Variants in DISP3 observed in about 807,000 individuals in gnomAD.
The protein encoded by DISP3 is protein dispatched homolog 3.
DISP3 carries 101 observed loss-of-function variants against 135.3 expected under a neutral mutation model. The ratio of observed to expected loss-of-function variants is 0.75; its 90% CI spans 0.64 to 0.88. DISP3 has a LOEUF of 0.88. DISP3 is among the 40% of genes least tolerant of loss of function. The pLI, the probability that DISP3 is intolerant of heterozygous loss-of-function variation, is 0.00. For synonymous variants in DISP3, 856 were observed against 817.0 expected (o/e 1.05, Z -0.81); for missense variants, 1,713 against 1,878.6 (o/e 0.91, Z 1.63).
At chr1:11,534,947 C>A in intron 18 of DISP3, 64 bp from the exon 19 acceptor site, 1 of 1,405,674 alleles carries the variant, frequency 7.1e-7, no homozygotes, top group African/African-American at 1.4e-5. Context: ...GGGCTCACCC[C>A]AGCAGCACAG....
chr1:11,510,059 A>G (rs780071065), intron 3 of DISP3, among the ~76,000 whole-genome samples: 7 of 152,172 alleles, frequency 4.6e-5, no homozygotes, highest in Admixed American at 2.0e-4. Flanking sequence ...AGATCGTGCC[A>G]CTGCACTCCA....
chr1:11,534,811 C>G (rs1642664251), intron 18 of DISP3, 200 bp from the exon 19 acceptor site: 2 of 762,064 alleles, frequency 2.6e-6, no homozygotes, highest in Non-Finnish European at 2.3e-6. Context: ...CCAGCCCCTC[C>G]TAGGTGCCTA....
chr1:11,526,906 C>T, intron 13 of DISP3, 71 bp downstream of exon 13: 1 of 1,502,806 alleles, frequency 6.7e-7, no homozygotes, highest in South Asian at 1.2e-5. Flanking sequence ...TCTCTTTTCT[C>T]TCTCTTTTCA....
chr1:11,517,366 T>C, intron 6 of DISP3, 97 bp from the exon 7 acceptor site: 2 of 1,510,786 alleles, frequency 1.3e-6, no homozygotes, highest in Admixed American at 1.7e-5. Flanking sequence ...CTGGGCCAGA[T>C]CTGGGGTCCT....
intron 19 of DISP3, 139 bp downstream of exon 19, chr1:11,535,263 T>C: frequency 9.7e-7 from 1 of 1,027,658 alleles, no homozygotes; most frequent in Non-Finnish European, 1.4e-6. Flanking sequence ...CTGTCTCTCC[T>C]GCATGTCTGT....
chr1:11,525,146 ACCCCTCTTTCATCCCT>A lies in DISP3; in HGVS notation c.2477-29_2477-14del, dbSNP rs764317237. 1 of 1,610,536 alleles carries A rather than the reference ACCCCTCTTTCATCCCT, an allele frequency of 6.2e-7. No individual in the cohort carries two copies. Among genetic ancestry groups the A allele is most frequent in the South Asian group, 1.1e-5 (1 of 91,010 alleles). On this transcript the variant is annotated splice_polypyrimidine_tract_variant and intron_variant, in intron 11 of 20. Transcript: ENST00000294484. ...GGAGAAGCCAGTCGAGGTCAAGTCCACCCCTCTTTCATCCCTTATTTGTCCGTAGATTTCCCAGGCA... is the reference window on the plus strand; with the variant it reads ...GGAGAAGCCAGTCGAGGTCAAGTCCATATTTGTCCGTAGATTTCCCAGGCA...
rs549107423 is a variant in DISP3 at position 11,531,608 on chromosome 1, C to T, written c.3273C>T (p.Cys1091=). 4.6e-5 allele frequency: 75 copies of T among 1,613,578 alleles called. No individual in the cohort carries two copies. In the East Asian group the frequency reaches 1.7e-3, roughly 36 times the overall value. ...TCCTGCAGATGTTGCACCCTGAGTGCAAGGAGCTGCCCGAGCCCAACCTGC... is the reference window on the plus strand; with the variant it reads ...TCCTGCAGATGTTGCACCCTGAGTGTAAGGAGCTGCCCGAGCCCAACCTGC... ...SSFLQMLHPE[C]KELPEPNLLP... is the part of the protein sequence containing the mutation. The change falls in exon 17 of 21, where the codon TGC becomes TGT. Residue 1091 remains cysteine, a synonymous_variant. Transcript: ENST00000294484. This position sits in a 1 kb window ranked among gnomAD's most constrained non-coding sequence, Gnocchi z 5.2.
chr1:11,485,626 T>G (rs1280414505), intron 1 of DISP3, among the ~76,000 whole-genome samples: 1 of 152,126 alleles, frequency 6.6e-6, no homozygotes, highest in Admixed American at 6.5e-5. Context: ...TCCTGGGAGA[T>G]CTCTCTGTTC....
intron 10 of DISP3, among the ~76,000 whole-genome samples, chr1:11,522,792 G>GGGCCC (rs1642267966): frequency 7.1e-6 from 1 of 141,090 alleles, no homozygotes; most frequent in Non-Finnish European, 1.6e-5. Context: ...GGCCCAGCCA[G>GGGCCC]AGCCCAGCCA....
intron 4 of DISP3, among the ~76,000 whole-genome samples, chr1:11,514,937 C>T (rs367708187): frequency 3.9e-4 from 59 of 152,192 alleles, no homozygotes; most frequent in African/African-American, 1.3e-3. Flanking sequence ...CTGCTGCTTA[C>T]TCCTGTCTGT....
intron 1 of DISP3, among the ~76,000 whole-genome samples, chr1:11,489,205 G>A (rs950303054): frequency 6.6e-6 from 1 of 152,198 alleles, no homozygotes; most frequent in Admixed American, 6.5e-5. Flanking sequence ...GCTCCATCCC[G>A]AGTGCCTCAT....
At chr1:11,514,554 C>T in intron 4 of DISP3, 28 bp downstream of exon 4, 2 of 1,606,696 alleles carry the variant, frequency 1.2e-6, no homozygotes, top group Non-Finnish European at 1.7e-6. Flanking sequence ...CCAGCCCCCT[C>T]CTCCCCTCCC....
rs1208140043 is a variant in DISP3 at position 11,519,026 on chromosome 1, C to T, written c.1890-329C>T. ...CCTGAGTATTAAGTTGGAGGCAGAG[C>T]CCCTGGGCCACACAGCAGCAGAGGA... is the stretch of plus-strand genomic sequence containing the variant. On this transcript the variant is annotated intron_variant, in intron 7 of 20. Transcript: ENST00000294484. The surrounding 1 kb of genome is among the most constrained non-coding windows in gnomAD (Gnocchi z 4.3). Among the ~76,000 whole-genome samples, 5 of 152,262 alleles carry T rather than the reference C, an allele frequency of 3.3e-5. No individual in the cohort carries two copies. The highest frequency in any genetic ancestry group is 1.2e-4 in the African/African-American group (5 of 41,550).
rs59755389 is a variant in DISP3, at chr1:11,492,121, C to CAAA, written c.-3-8848_-3-8846dup. ...TGGGCGACAGAGCGAGACTCCGTCT[C>CAAA]AAAAAAAAAAAAAAAAAAAAAAAGA... On this transcript the variant is annotated intron_variant, in intron 1 of 20. Transcript: ENST00000294484. 4.3e-3 allele frequency among the ~76,000 whole-genome samples: 266 copies of CAAA among 61,388 alleles called. 5 individuals carry two copies. Among genetic ancestry groups the CAAA allele is most frequent in the East Asian group, 0.012 (26 of 2,122 alleles). 40.3% of individuals were successfully genotyped at this position (61,388 alleles called of 152,430 possible).
In DISP3 at chr1:11,491,239, C is replaced by T. The variant is rs1557592829; in HGVS notation, c.-3-9751C>T. On this transcript the variant is annotated intron_variant, in intron 1 of 20. Transcript: ENST00000294484. The surrounding 1 kb of genome is among the most constrained non-coding windows in gnomAD (Gnocchi z 4.3). ...AGCCACTGGGAACAGGGGAGGATGACCAGGGCAGCAGGGGTTTTCCAAGAA... is the reference window on the plus strand; with the variant it reads ...AGCCACTGGGAACAGGGGAGGATGATCAGGGCAGCAGGGGTTTTCCAAGAA... Among the ~76,000 whole-genome samples the T allele has an allele frequency of 6.6e-6, 1 of 152,190 alleles. No individual in the cohort carries two copies. Among genetic ancestry groups the T allele is most frequent in the Non-Finnish European group, 1.5e-5 (1 of 68,008 alleles).
intron 3 of DISP3, among the ~76,000 whole-genome samples, chr1:11,506,291 G>GTT (rs1641704626): frequency 6.6e-6 from 1 of 152,158 alleles, no homozygotes; most frequent in Non-Finnish European, 1.5e-5. Context: ...ACCATAATCA[G>GTT]TTTTAAGAAT....
chr1:11,531,125 G>T lies in DISP3; in HGVS notation c.3229+92G>T, dbSNP rs969094992. ...GTGGTCCAAGGTAGACAGCCCGAAGGACAGTGTCTGGCATGTGGGGGTCTT... is the reference window on the plus strand; with the variant it reads ...GTGGTCCAAGGTAGACAGCCCGAAGTACAGTGTCTGGCATGTGGGGGTCTT... On this transcript the variant is annotated intron_variant, in intron 16 of 20. Transcript: ENST00000294484. This position sits in a 1 kb window ranked among gnomAD's most constrained non-coding sequence, Gnocchi z 5.2. 6.4e-7 allele frequency: 1 copy of T among 1,560,740 alleles called. No homozygotes were observed. Among genetic ancestry groups the T allele is most frequent in the African/African-American group, 1.3e-5 (1 of 74,122 alleles).
intron 15 of DISP3, 123 bp downstream of exon 15, chr1:11,530,082 T>A: frequency 1.5e-6 from 2 of 1,343,964 alleles, no homozygotes; most frequent in Non-Finnish European, 2.0e-6. Flanking sequence ...ATGGCTCCTC[T>A]AACCCAGACA....
rs1641507167 is a variant in DISP3, at chr1:11,501,294, T to C, written c.302T>C (p.Ile101Thr). 3.1e-6 allele frequency: 5 copies of C among 1,614,028 alleles called. No individual in the cohort carries two copies. In the South Asian group the frequency reaches 3.3e-5, roughly 11 times the overall value. ...FMFLYYPPLD[I>T]DISYNAFEIR... ...TTCCTTTACTACCCACCGCTGGACA[T>C]TGACATCTCCTACAACGCCTTTGAG... Residue 101 changes from isoleucine (I) to threonine (T), a missense_variant, in exon 2 of 21, where the codon ATT becomes ACT. Ile to Thr is a moderately conservative substitution (Grantham distance 89). Transcript: ENST00000294484. The surrounding 1 kb of genome is among the most constrained non-coding windows in gnomAD (Gnocchi z 4.9).
Sources: gnomAD v4.1 joint callset for allele counts (sites outside exome capture counted in the v4.1 genomes callset) on GRCh38, gnomAD v4.1.1 for gene constraint, Gnocchi (gnomAD v3.1) non-coding constraint, MANE v1.5 for transcripts, NCBI Gene and HGNC (gene_info 2026-07-23, HGNC 2026-07-21) for gene names.